CIT: variants seen among roughly 807,000 people sequenced by gnomAD.
CIT encodes the protein citron rho-interacting serine/threonine kinase.
Under a neutral mutation model 272.7 loss-of-function variants are expected in CIT, and 79 were observed. That is an observed-to-expected ratio of 0.29 (90% CI 0.24 to 0.35). The LOEUF (loss-of-function observed/expected upper bound fraction) is 0.35. Among genes scored for constraint, CIT ranks in the 10% least tolerant of loss-of-function variants. CIT has a pLI of 1.00. For synonymous variants in CIT, 948 were observed against 995.6 expected, an observed-to-expected ratio of 0.95 and a Z score of 0.90; for missense variants, 1,909 against 2,618.3, an observed-to-expected ratio of 0.73 and a Z score of 5.91.
At chr12:119,799,760 C>G (rs886716339) in intron 10 of CIT, among the ~76,000 whole-genome samples, 4 of 151,944 alleles carry the variant, frequency 2.6e-5, no homozygotes, top group Non-Finnish European at 4.4e-5. Flanking sequence ...ACCCAAGGCC[C>G]CGGGGGCTGC....
chr12:119,713,766 T>C lies in CIT; in HGVS notation c.4307-118A>G, dbSNP rs1957296800. 2 of 1,093,674 alleles carry C rather than the reference T, an allele frequency of 1.8e-6. No homozygotes were observed. The highest frequency in any genetic ancestry group is 2.8e-5 in the South Asian group (2 of 72,248). 67.7% of individuals were successfully genotyped at this position (1,093,674 alleles called of 1,614,324 possible). Reference sequence around the variant, plus strand: ...CAGCCGGGCCCAGAGAGTCTGGCCCTGGCTTGCAGGTAGTCTCCTGAGCTT... The same window carrying C: ...CAGCCGGGCCCAGAGAGTCTGGCCCCGGCTTGCAGGTAGTCTCCTGAGCTT... On this transcript the variant is annotated intron_variant, in intron 33 of 47. Coordinates refer to ENST00000392521, the MANE Select transcript of CIT (RefSeq NM_001206999.2). The surrounding 1 kb of genome is among the most constrained non-coding windows in gnomAD (Gnocchi z 5.2).
At chr12:119,780,161 C>T (rs1455608859) in intron 13 of CIT, among the ~76,000 whole-genome samples, 1 of 152,210 alleles carries the variant, frequency 6.6e-6, no homozygotes, top group Non-Finnish European at 1.5e-5. Context: ...GTGTTACCCA[C>T]ACTTTTGTCT....
intron 15 of CIT, 58 bp downstream of exon 15, chr12:119,776,297 TAAC>T: frequency 7.8e-7 from 1 of 1,279,334 alleles, no homozygotes; most frequent in Non-Finnish European, 1.1e-6. Context: ...CCACTGATAA[TAAC>T]ATGAAAAAAG....
At chr12:119,755,007 TTGCTGTTAAACTTACAGAAGAG>T (rs1458421727) in intron 22 of CIT, among the ~76,000 whole-genome samples, 2 of 152,194 alleles carry the variant, frequency 1.3e-5, no homozygotes, top group African/African-American at 2.4e-5. Context: ...TCCCGTGATC[TTGCTGTTAAACTTACAGAAGAG>T]TGAAAGTATA....
intron 2 of CIT, among the ~76,000 whole-genome samples, chr12:119,871,274 G>A (rs1388150457): frequency 6.6e-6 from 1 of 152,110 alleles, no homozygotes; most frequent in Non-Finnish European, 1.5e-5. Context: ...AGCCCCACAA[G>A]TGACCCCAGC....
chr12:119,827,590 A>C (rs1968276813), intron 7 of CIT, among the ~76,000 whole-genome samples: 2 of 152,064 alleles, frequency 1.3e-5, no homozygotes, highest in South Asian at 4.1e-4. Context: ...GGTGCATGCC[A>C]CCACACCCAG....
intron 44 of CIT, chr12:119,699,692 G>A: frequency 2.4e-6 from 1 of 409,316 alleles, no homozygotes; most frequent in South Asian, 1.7e-5. Flanking sequence ...ATGTTTGTGA[G>A]CCTGTCTTGG....
At chr12:119,793,694 T>G (rs1321902279) in intron 10 of CIT, among the ~76,000 whole-genome samples, 5 of 152,244 alleles carry the variant, frequency 3.3e-5, no homozygotes, top group Non-Finnish European at 7.3e-5. Flanking sequence ...TCTGGAATAC[T>G]CTTCCCACTT....
At chr12:119,793,917 G>A (rs1236897076) in intron 10 of CIT, among the ~76,000 whole-genome samples, 2 of 152,184 alleles carry the variant, frequency 1.3e-5, no homozygotes, top group African/African-American at 2.4e-5. Flanking sequence ...TGAAGACAGG[G>A]ATTTTTGTCT....
intron 13 of CIT, among the ~76,000 whole-genome samples, chr12:119,779,044 AC>A (rs1964050607): frequency 6.6e-6 from 1 of 152,038 alleles, no homozygotes; most frequent in Admixed American, 6.6e-5. Flanking sequence ...ACATAGTGAA[AC>A]CCCATCTCTA....
rs1023132631 is a variant in CIT, at chr12:119,713,199, T to G, written c.4579+4A>C. Reference sequence around the variant, plus strand: ...ATGACCTTCCCCCTGAATTATTAATTTACCTTCTCTGGCTTCATTGTCATA... The same window carrying G: ...ATGACCTTCCCCCTGAATTATTAATGTACCTTCTCTGGCTTCATTGTCATA... On this transcript the variant is annotated splice_donor_region_variant and intron_variant, in intron 35 of 47. Coordinates refer to ENST00000392521, the MANE Select transcript of CIT (RefSeq NM_001206999.2). This position sits in a 1 kb window ranked among gnomAD's most constrained non-coding sequence, Gnocchi z 5.2. 2.5e-6 allele frequency: 4 copies of G among 1,611,768 alleles called. No homozygotes were observed. Among genetic ancestry groups the G allele is most frequent in the African/African-American group, 2.7e-5 (2 of 74,990 alleles).
rs181209751 is a variant in CIT at position 119,766,816 on chromosome 12, A to G, written c.2304+271T>C. 1.7e-3 allele frequency among the ~76,000 whole-genome samples: 260 copies of G among 152,222 alleles called. 1 individual carries two copies. Among genetic ancestry groups the G allele is most frequent in the African/African-American group, 5.8e-3 (243 of 41,540 alleles). On this transcript the variant is annotated intron_variant, in intron 19 of 47. Coordinates refer to ENST00000392521, the MANE Select transcript of CIT (RefSeq NM_001206999.2). Reference sequence around the variant, plus strand: ...GATTATAGAAATGATCATGGATTAAATGACAATGAGTTTAAAAAATCAGTT... The same window carrying G: ...GATTATAGAAATGATCATGGATTAAGTGACAATGAGTTTAAAAAATCAGTT...
chr12:119,731,199 G>C (rs1958417597), intron 26 of CIT, among the ~76,000 whole-genome samples: 1 of 152,002 alleles, frequency 6.6e-6, no homozygotes, highest in African/African-American at 2.4e-5. Flanking sequence ...TTGAGGCTGG[G>C]TGCAGTGGCT....
intron 9 of CIT, among the ~76,000 whole-genome samples, chr12:119,821,391 T>G (rs1380142964): frequency 2.0e-5 from 3 of 152,320 alleles, no homozygotes; most frequent in South Asian, 2.1e-4. Flanking sequence ...TATGCCTAAT[T>G]TATAAGTTAA....
intron 5 of CIT, among the ~76,000 whole-genome samples, chr12:119,843,137 T>A (rs1306226669): frequency 6.6e-6 from 1 of 151,516 alleles, no homozygotes; most frequent in Non-Finnish European, 1.5e-5. Flanking sequence ...GTGAACAGCA[T>A]GGAAAAAGGT....
chr12:119,705,630 G>A (rs111399335), intron 40 of CIT, among the ~76,000 whole-genome samples: 4,300 of 151,988 alleles, frequency 0.028, 83 homozygotes, highest in African/African-American at 0.048. Context: ...TTTATTAGCT[G>A]GGCATGGTGG....
At chr12:119,833,895 G>C (rs1350524607) in intron 6 of CIT, among the ~76,000 whole-genome samples, 191 bp downstream of exon 6, 1 of 152,170 alleles carries the variant, frequency 6.6e-6, no homozygotes, top group African/African-American at 2.4e-5. Context: ...CTATTGCACT[G>C]CTGGATAAGC....
chr12:119,770,724 C>T lies in CIT; in HGVS notation c.2208+61G>A. ...TGGCGGTTAATTCTTCTTCTTACCC[C>T]CTTCCCTTTGCAAACTCTAACCTGT... On this transcript the variant is annotated intron_variant, in intron 18 of 47. Transcript: ENST00000392521. This position sits in a 1 kb window ranked among gnomAD's most constrained non-coding sequence, Gnocchi z 4.4. 6.3e-7 allele frequency: 1 copy of T among 1,599,438 alleles called. No homozygotes were observed. The highest frequency in any genetic ancestry group is 1.1e-5 in the South Asian group (1 of 89,944).
chr12:119,778,307 G>A (rs1301408063), intron 13 of CIT, among the ~76,000 whole-genome samples: 1 of 152,112 alleles, frequency 6.6e-6, no homozygotes, highest in East Asian at 1.9e-4. Context: ...GAAAACTTTT[G>A]GACAAAGTAT....
Sources: allele counts gnomAD v4.1 joint callset (sites outside exome capture counted in the v4.1 genomes callset), GRCh38; gene constraint gnomAD v4.1.1; non-coding constraint Gnocchi (gnomAD v3.1); transcripts MANE v1.5; gene names NCBI Gene and HGNC (gene_info 2026-07-23, HGNC 2026-07-21).